Variants in UST observed in about 807,000 individuals in gnomAD.
UST encodes uronyl 2-sulfotransferase, also known as chondroitin sulfate 2-O-sulfotransferase.
UST carries 21 observed loss-of-function variants against 45.6 expected under a neutral mutation model. That is an observed-to-expected ratio of 0.46 (90% CI 0.33 to 0.66). The LOEUF (loss-of-function observed/expected upper bound fraction) is 0.66, where lower values mean the gene tolerates loss of function less well. UST is among the 30% of genes least tolerant of loss of function. The probability of loss-of-function intolerance (pLI) is 0.02; values close to 1 mark genes in which losing one functional copy is unlikely to be tolerated. For synonymous variants in UST, 215 were observed against 200.6 expected, an observed-to-expected ratio of 1.07 and a Z score of -0.61; for missense variants, 463 against 512.4, an observed-to-expected ratio of 0.90 and a Z score of 0.93.
chr6:148,988,921 C>T (rs1419599015), intron 5 of UST, among the ~76,000 whole-genome samples: 3 of 152,172 alleles, frequency 2.0e-5, no homozygotes, highest in Non-Finnish European at 4.4e-5. Context: ...GTCACTCTCT[C>T]CCACCCTTAT....
intron 1 of UST, among the ~76,000 whole-genome samples, chr6:148,846,762 G>C (rs1267605798): frequency 6.6e-6 from 1 of 152,378 alleles, no homozygotes; most frequent in Middle Eastern, 3.4e-3. Context: ...ACTATAATTT[G>C]AGAATTGTAG....
chr6:148,780,751 A>G (rs1776628541), intron 1 of UST, among the ~76,000 whole-genome samples: 1 of 152,068 alleles, frequency 6.6e-6, no homozygotes, highest in Non-Finnish European at 1.5e-5. Context: ...ATTTTTTCTG[A>G]TAACATATGC....
In UST at chr6:149,063,395, T is replaced by A. The variant is rs990457481; in HGVS notation, c.938-10438T>A. 3.3e-5 allele frequency among the ~76,000 whole-genome samples: 5 copies of A among 152,162 alleles called. No homozygotes were observed. The East Asian group carries it at 7.7e-4, about 23-fold the overall frequency. The stretch of plus-strand genomic sequence containing the variant: ...CTAAAGGTAATAAGAAAAAACTTTT[T>A]AAAAAAATATCAAAAACATCCTGAA... On this transcript the variant is annotated intron_variant, in intron 7 of 7. Coordinates refer to ENST00000367463, the MANE Select transcript of UST (RefSeq NM_005715.3).
intron 1 of UST, among the ~76,000 whole-genome samples, chr6:148,771,455 A>G (rs1044289751): frequency 1.3e-5 from 2 of 152,162 alleles, no homozygotes; most frequent in Non-Finnish European, 2.9e-5. Context: ...TGCTCTGGAG[A>G]GGTCTAAAGC....
intron 2 of UST, among the ~76,000 whole-genome samples, chr6:148,940,638 C>T (rs973392286): frequency 5.3e-5 from 8 of 152,106 alleles, no homozygotes; most frequent in Admixed American, 1.3e-4. Context: ...ATTAAACCTA[C>T]GGTTACCATA....
intron 3 of UST, among the ~76,000 whole-genome samples, chr6:148,946,435 C>T (rs1315735553): frequency 2.1e-5 from 3 of 145,906 alleles, no homozygotes; most frequent in African/African-American, 7.7e-5. Flanking sequence ...CACTTGAACC[C>T]AGGAGGCAGA....
chr6:148,934,001 C>T lies in UST; in HGVS notation c.292-7278C>T, dbSNP rs746639442. The stretch of plus-strand genomic sequence containing the variant: ...AATATATTCCACAAACAAGGAAACA[C>T]GGTAAAATCTAGTTTTAACTTTTAA... On this transcript the variant is annotated intron_variant, in intron 2 of 7. Coordinates refer to ENST00000367463, the MANE Select transcript of UST (RefSeq NM_005715.3). This position sits in a 1 kb window ranked among gnomAD's most constrained non-coding sequence, Gnocchi z 4.1. Among the ~76,000 whole-genome samples, 11 of 152,134 alleles carry T rather than the reference C, an allele frequency of 7.2e-5. No homozygotes were observed. Among genetic ancestry groups the T allele is most frequent in the Non-Finnish European group, 1.2e-4 (8 of 68,028 alleles).
intron 1 of UST, among the ~76,000 whole-genome samples, chr6:148,780,128 T>TAC (rs34775441): frequency 0.16 from 23,818 of 149,578 alleles, 2,036 homozygotes; most frequent in Non-Finnish European, 0.2. Context: ...TGTATATATA[T>TAC]ACACACACAC....
At chr6:148,975,415 G>C (rs1026598708) in intron 5 of UST, among the ~76,000 whole-genome samples, 1 of 152,110 alleles carries the variant, frequency 6.6e-6, no homozygotes, top group Non-Finnish European at 1.5e-5. Flanking sequence ...CTACTTGCAC[G>C]TGCAATTTCA....
chr6:148,916,575 C>G (rs1301347341), intron 2 of UST, among the ~76,000 whole-genome samples: 2 of 152,178 alleles, frequency 1.3e-5, no homozygotes, highest in Non-Finnish European at 2.9e-5. Flanking sequence ...CTGAGGGCAA[C>G]CTTAGGCCCT....
At chr6:148,907,902 C>CTTT (rs67488239) in intron 2 of UST, among the ~76,000 whole-genome samples, 1 of 68,172 alleles carries the variant, frequency 1.5e-5, no homozygotes, top group Non-Finnish European at 2.5e-5. Flanking sequence ...GTTTCCAGGG[C>CTTT]TTTTTTTTTT....
At chr6:149,018,554 T>C (rs951188294) in intron 5 of UST, among the ~76,000 whole-genome samples, 1 of 152,184 alleles carries the variant, frequency 6.6e-6, no homozygotes, top group African/African-American at 2.4e-5. Context: ...CAACCTCATA[T>C]AAGAGAAATG....
intron 7 of UST, among the ~76,000 whole-genome samples, chr6:149,037,509 A>G (rs942988850): frequency 6.6e-6 from 1 of 152,186 alleles, no homozygotes; most frequent in African/African-American, 2.4e-5. Flanking sequence ...GGACCCCTGG[A>G]ATGAGGCTGG....
chr6:149,054,863 C>T (rs985183754), intron 7 of UST, among the ~76,000 whole-genome samples: 2 of 152,062 alleles, frequency 1.3e-5, no homozygotes, highest in African/African-American at 2.4e-5. Context: ...ACTCTGTTGC[C>T]CAGACTGGAG....
At chr6:148,983,117 C>G (rs983728830) in intron 5 of UST, among the ~76,000 whole-genome samples, 6 of 152,194 alleles carry the variant, frequency 3.9e-5, no homozygotes, top group Admixed American at 6.5e-5. Context: ...TCAGTTAACA[C>G]CAAGTTTTCA....
intron 1 of UST, among the ~76,000 whole-genome samples, chr6:148,757,996 A>G (rs1256840473): frequency 6.6e-6 from 1 of 152,226 alleles, no homozygotes; most frequent in Admixed American, 6.5e-5. Flanking sequence ...GTTTTACAGG[A>G]TACTTCTCTA....
intron 7 of UST, among the ~76,000 whole-genome samples, chr6:149,026,054 A>G (rs1776045628): frequency 6.6e-6 from 1 of 151,842 alleles, no homozygotes; most frequent in Non-Finnish European, 1.5e-5. Flanking sequence ...AGGCTGAGAC[A>G]GGAGAATTGC....
intron 1 of UST, among the ~76,000 whole-genome samples, chr6:148,763,898 G>A (rs1283787391): frequency 6.6e-6 from 1 of 152,162 alleles, no homozygotes. Context: ...GGTTACTATA[G>A]TCTTGTAGTA....
rs1386768556 is a variant in UST at position 148,918,824 on chromosome 6, CT to C, written c.292-22448del. ...TTATCTTATTCTTTTTATTGTTAAACTTTTTTTAGTTCTATTTTTAATTTGT... is the reference window on the plus strand; with the variant it reads ...TTATCTTATTCTTTTTATTGTTAAACTTTTTTAGTTCTATTTTTAATTTGT... On this transcript the variant is annotated intron_variant, in intron 2 of 7. Transcript: ENST00000367463. Among the ~76,000 whole-genome samples, 10 of 152,170 alleles carry C rather than the reference CT, an allele frequency of 6.6e-5. No homozygotes were observed. The East Asian group carries it at 1.5e-3, about 23-fold the overall frequency.
Sources: allele counts gnomAD v4.1 joint callset (sites outside exome capture counted in the v4.1 genomes callset), GRCh38; gene constraint gnomAD v4.1.1; non-coding constraint Gnocchi (gnomAD v3.1); transcripts MANE v1.5; gene names NCBI Gene and HGNC (gene_info 2026-07-23, HGNC 2026-07-21).